WWOX: variants seen among roughly 807,000 people sequenced by gnomAD.
WWOX encodes the protein WW domain-containing oxidoreductase.
Under a neutral mutation model 46.2 loss-of-function variants are expected in WWOX, and 69 were observed. The ratio of observed to expected loss-of-function variants is 1.49; its 90% confidence interval spans 1.23 to 1.82. The LOEUF is 1.82. Ranked by LOEUF, WWOX falls within the 40% of genes most tolerant of loss-of-function variation. The pLI is 0.00. For missense variants in WWOX, 919 were observed against 542.6 expected (o/e 1.69, Z -6.89); for synonymous variants, 359 against 202.6 (o/e 1.77, Z -6.56).
At chr16:79,165,690 C>T (rs1454157330) in intron 8 of WWOX, among the ~76,000 whole-genome samples, 4 of 152,110 alleles carry the variant, frequency 2.6e-5, no homozygotes, top group South Asian at 4.1e-4. Context: ...AAACCCAGTC[C>T]ATGATTTCTT....
At chr16:78,337,019 G>C (rs1275933945) in intron 5 of WWOX, among the ~76,000 whole-genome samples, 1 of 152,068 alleles carries the variant, frequency 6.6e-6, no homozygotes, top group Non-Finnish European at 1.5e-5. Context: ...GACCTCACGT[G>C]ATCCACCCGC....
rs372575542 is a variant in WWOX at position 79,150,364 on chromosome 16, C to A, written c.1057-61244C>A. The stretch of plus-strand genomic sequence containing the variant: ...TGGAGATAAAGCCCTGTTAATAATT[C>A]ATAATTATATAGCATAGCATAGGGC... On this transcript the variant is annotated intron_variant, in intron 8 of 8. Transcript: ENST00000566780. Among the ~76,000 whole-genome samples, 8 of 152,270 alleles carry A rather than the reference C, an allele frequency of 5.3e-5. No homozygotes were observed. The East Asian group carries it at 1.4e-3, about 26-fold the overall frequency.
chr16:78,989,042 G>T lies in WWOX; in HGVS notation c.1057-222566G>T, dbSNP rs80232703. ...AGGAAGTAATCATCCTGAGTTCGAT[G>T]ATTCAGAGTAAGCCATTTAACTTGT... On this transcript the variant is annotated intron_variant, in intron 8 of 8. Coordinates refer to ENST00000566780, the MANE Select transcript of WWOX (RefSeq NM_016373.4). 5.4e-3 allele frequency among the ~76,000 whole-genome samples: 815 copies of T among 152,270 alleles called. 14 individuals are homozygous for T. Among genetic ancestry groups the T allele is most frequent in the African/African-American group, 0.019 (770 of 41,546 alleles).
At position 78,099,799 on chromosome 16, in the gene WWOX, G is replaced by T. The variant is rs1199123352; in HGVS notation, c.21G>T (p.Ala7=). 1.3e-6 allele frequency: 2 copies of T among 1,567,532 alleles called. No individual in the cohort carries two copies. The highest frequency in any genetic ancestry group is 1.7e-6 in the Non-Finnish European group (2 of 1,158,440). Reference sequence around the variant, plus strand: ...CAGCCATGGCAGCGCTGCGCTACGCGGGGCTGGACGACACGGACAGTGAGG... The same window carrying T: ...CAGCCATGGCAGCGCTGCGCTACGCTGGGCTGGACGACACGGACAGTGAGG... The part of the protein sequence containing the change: MAALRY[A]GLDDTDSEDE... The change falls in exon 1 of 9, where the codon GCG becomes GCT. Residue 7 remains alanine (A), a synonymous_variant. Coordinates refer to ENST00000566780, the MANE Select transcript of WWOX (RefSeq NM_016373.4).
chr16:79,144,351 G>C (rs1441604189), intron 8 of WWOX, among the ~76,000 whole-genome samples: 7 of 152,182 alleles, frequency 4.6e-5, no homozygotes, highest in Non-Finnish European at 8.8e-5. Flanking sequence ...GCCTGAGAAG[G>C]CCAGCTTTTT....
chr16:78,228,624 G>C (rs2037149473), intron 5 of WWOX, among the ~76,000 whole-genome samples: 1 of 152,156 alleles, frequency 6.6e-6, no homozygotes, highest in Non-Finnish European at 1.5e-5. Context: ...TTACAGGTGT[G>C]AGCCACTGTA....
At chr16:78,698,154 C>G (rs1487072363) in intron 8 of WWOX, among the ~76,000 whole-genome samples, 3 of 152,128 alleles carry the variant, frequency 2.0e-5, no homozygotes, top group African/African-American at 7.2e-5. Flanking sequence ...ATTCTTTGCC[C>G]TAGGATGGTC....
intron 5 of WWOX, among the ~76,000 whole-genome samples, chr16:78,297,653 T>C (rs530053886): frequency 6.6e-6 from 1 of 152,170 alleles, no homozygotes; most frequent in Non-Finnish European, 1.5e-5. Flanking sequence ...ATGACACAAC[T>C]GTTGGAGACG....
chr16:78,682,278 A>T (rs2047747702), intron 8 of WWOX, among the ~76,000 whole-genome samples: 1 of 152,156 alleles, frequency 6.6e-6, no homozygotes, highest in Non-Finnish European at 1.5e-5. Flanking sequence ...AAACTAGTAA[A>T]CTTAATAGTT....
At chr16:78,368,765 A>T (rs763190569) in intron 5 of WWOX, among the ~76,000 whole-genome samples, 7 of 152,182 alleles carry the variant, frequency 4.6e-5, no homozygotes, top group Admixed American at 6.5e-5. Context: ...GCTTTTAGCA[A>T]AATTACCCAT....
intron 8 of WWOX, among the ~76,000 whole-genome samples, chr16:78,801,068 T>C (rs948764734): frequency 9.2e-5 from 14 of 152,084 alleles, no homozygotes; most frequent in Non-Finnish European, 1.6e-4. Flanking sequence ...TTTTTTTTTT[T>C]TTAAAGACAG....
At chr16:78,560,645 A>C (rs1448238906) in intron 8 of WWOX, among the ~76,000 whole-genome samples, 1 of 152,122 alleles carries the variant, frequency 6.6e-6, no homozygotes, top group African/African-American at 2.4e-5. Flanking sequence ...ACTCTGTCTC[A>C]AAAAAATTAA....
At chr16:78,683,020 T>C (rs2047766149) in intron 8 of WWOX, among the ~76,000 whole-genome samples, 1 of 152,192 alleles carries the variant, frequency 6.6e-6, no homozygotes, top group Non-Finnish European at 1.5e-5. Context: ...ATCTGTAGGC[T>C]GCTGTGATGG....
intron 5 of WWOX, among the ~76,000 whole-genome samples, chr16:78,271,884 GC>G (rs2079483362): frequency 6.6e-6 from 1 of 152,100 alleles, no homozygotes; most frequent in South Asian, 2.1e-4. Context: ...TAATTAGTCT[GC>G]CACACCTGTA....
chr16:78,195,728 A>G (rs915471464), intron 5 of WWOX, among the ~76,000 whole-genome samples: 2 of 148,518 alleles, frequency 1.3e-5, no homozygotes, highest in African/African-American at 4.9e-5. Flanking sequence ...AGGCTGAGGC[A>G]GGAGAATTGC....
rs574053800 is a variant in WWOX, at chr16:79,036,149, A to G, written c.1057-175459A>G. 2.0e-5 allele frequency among the ~76,000 whole-genome samples: 3 copies of G among 152,298 alleles called. No homozygotes were observed. The East Asian group carries it at 5.8e-4, about 29-fold the overall frequency. The stretch of plus-strand genomic sequence containing the variant: ...ACTCTCTATGAAATACCTTGGATTT[A>G]GGAATTGGAGATTTCCTTGGGTCAG... On this transcript the variant is annotated intron_variant, in intron 8 of 8. Coordinates refer to ENST00000566780, the MANE Select transcript of WWOX (RefSeq NM_016373.4).
At chr16:78,566,885 A>G (rs879288905) in intron 8 of WWOX, among the ~76,000 whole-genome samples, 1 of 152,214 alleles carries the variant, frequency 6.6e-6, no homozygotes, top group Non-Finnish European at 1.5e-5. Context: ...TTGAAGATCA[A>G]AGGGGTCACG....
At chr16:79,180,365 C>T (rs1376908247) in intron 8 of WWOX, among the ~76,000 whole-genome samples, 3 of 152,198 alleles carry the variant, frequency 2.0e-5, no homozygotes, top group Non-Finnish European at 4.4e-5. Flanking sequence ...GATTTGAATA[C>T]TATAAATCTA....
intron 8 of WWOX, among the ~76,000 whole-genome samples, chr16:78,830,842 G>C (rs771053454): frequency 2.0e-5 from 3 of 152,114 alleles, no homozygotes; most frequent in South Asian, 2.1e-4. Flanking sequence ...GTCGTTTGCA[G>C]AGTGTCCTTT....
Sources: gnomAD v4.1 joint callset for allele counts (sites outside exome capture counted in the v4.1 genomes callset) on GRCh38, gnomAD v4.1.1 for gene constraint, MANE v1.5 for transcripts, NCBI Gene and HGNC (gene_info 2026-07-23, HGNC 2026-07-21) for gene names.